Variants in ATP2C1 observed in about 807,000 individuals in gnomAD.
ATP2C1 encodes the protein calcium-transporting ATPase type 2C member 1.
In ATP2C1, 31 loss-of-function variants were observed where a neutral mutation model predicts 120.5. That is an observed-to-expected ratio of 0.26 (90% CI 0.19 to 0.35). The LOEUF (loss-of-function observed/expected upper bound fraction) is 0.35. ATP2C1 is among the 10% of genes least tolerant of loss of function. ATP2C1 has a pLI of 1.00. For synonymous variants in ATP2C1, 351 were observed against 358.7 expected, an observed-to-expected ratio of 0.98 and a Z score of 0.24; for missense variants, 731 against 1,107.5, an observed-to-expected ratio of 0.66 and a Z score of 4.83.
At chr3:130,973,772 AT>A (rs1293151447) in intron 17 of ATP2C1, among the ~76,000 whole-genome samples, 1 of 152,142 alleles carries the variant, frequency 6.6e-6, no homozygotes, top group Non-Finnish European at 1.5e-5. Flanking sequence ...ATACTTTTCA[AT>A]GAAAACATTG....
At chr3:130,860,165 C>G (rs2067969933) in intron 1 of ATP2C1, among the ~76,000 whole-genome samples, 1 of 152,158 alleles carries the variant, frequency 6.6e-6, no homozygotes, top group Admixed American at 6.5e-5. Flanking sequence ...GACAGTGTAG[C>G]TTTTTTAAAG....
chr3:130,974,316 A>G (rs929884201), intron 17 of ATP2C1, among the ~76,000 whole-genome samples: 2 of 152,224 alleles, frequency 1.3e-5, no homozygotes, highest in African/African-American at 2.4e-5. Context: ...CTGTCCCCAA[A>G]TATCTGCTCA....
At position 130,990,788 on chromosome 3, in the gene ATP2C1, C is replaced by T. The variant is rs568455051; in HGVS notation, c.1840-2163C>T. On this transcript the variant is annotated intron_variant, in intron 20 of 27. Transcript: ENST00000510168. ...TTCTGGATATATTTGTGAGTGGAGT[C>T]AACAAGATTCGCTGTCAAACTGCTT... Among the ~76,000 whole-genome samples the T allele has an allele frequency of 2.0e-5, 3 of 152,212 alleles. No individual in the cohort carries two copies. In the East Asian group the frequency reaches 5.8e-4, roughly 29 times the overall value.
chr3:130,920,473 G>A (rs547706305), intron 2 of ATP2C1, among the ~76,000 whole-genome samples: 1 of 152,244 alleles, frequency 6.6e-6, no homozygotes, highest in East Asian at 1.9e-4. Context: ...TTGAAGATCA[G>A]TTGACCATAT....
intron 1 of ATP2C1, among the ~76,000 whole-genome samples, chr3:130,888,247 G>T (rs928591712): frequency 6.6e-6 from 1 of 152,148 alleles, no homozygotes; most frequent in African/African-American, 2.4e-5. Context: ...ATACGCAGAG[G>T]AGTCACTTTT....
chr3:131,013,273 C>T (rs1226214885), intron 26 of ATP2C1, among the ~76,000 whole-genome samples: 1 of 152,176 alleles, frequency 6.6e-6, no homozygotes, highest in Non-Finnish European at 1.5e-5. Context: ...ATATTTTACA[C>T]AATCACCTAA....
At chr3:130,986,674 T>G (rs218484) in intron 20 of ATP2C1, among the ~76,000 whole-genome samples, 1 of 152,228 alleles carries the variant, frequency 6.6e-6, no homozygotes, top group Non-Finnish European at 1.5e-5. Flanking sequence ...CTATAAATAC[T>G]AGCCCTGCCT....
Position 130,932,015 on chromosome 3 carries a change from C to G in ATP2C1, c.118-7C>G, listed in dbSNP as rs761588093. 1.3e-6 allele frequency: 2 copies of G among 1,568,142 alleles called. No homozygotes were observed. Among genetic ancestry groups the G allele is most frequent in the East Asian group, 2.2e-5 (1 of 44,606 alleles). ...TTTCAATAACTTTCATGTATAAACTCTAATAGGCTGATCTTCAGAATGGTC... is the reference window on the plus strand; with the variant it reads ...TTTCAATAACTTTCATGTATAAACTGTAATAGGCTGATCTTCAGAATGGTC... On this transcript the variant is annotated splice_region_variant and splice_polypyrimidine_tract_variant and intron_variant, in intron 3 of 27. Transcript: ENST00000510168.
At chr3:130,894,078 G>C (rs886554611), upstream of ATP2C1, 1 of 982,028 alleles carries the variant, frequency 1.0e-6, no homozygotes, top group African/African-American at 1.7e-5. This position sits in a 1 kb window ranked among gnomAD's most constrained non-coding sequence, Gnocchi z 4.5. Context: ...AGTCGGAGGC[G>C]GGAGCAGACC....
At chr3:130,850,980 T>G in intron 1 of ATP2C1, 1 of 1,005,846 alleles carries the variant, frequency 9.9e-7, no homozygotes, top group Non-Finnish European at 1.3e-6. Flanking sequence ...TGTTCCTTGT[T>G]GCTTTTACGT....
chr3:130,894,126 G>GGGTCCCCTCA lies in ATP2C1; in HGVS notation c.-391_-382dup. On this transcript the variant is annotated 5_prime_UTR_variant, in exon 1 of 28. Coordinates refer to ENST00000510168, the MANE Select transcript of ATP2C1 (RefSeq NM_001378687.1). The surrounding 1 kb of genome is among the most constrained non-coding windows in gnomAD (Gnocchi z 4.5). ...CGGAGCCGGCCCGGCGGACCGTGAC[G>GGGTCCCCTCA]GGTCCCCTCACCTCCTCTTCTCTCC... 2.1e-6 allele frequency: 2 copies of GGGTCCCCTCA among 965,860 alleles called. No individual in the cohort carries two copies. The highest frequency in any genetic ancestry group is 2.5e-6 in the Non-Finnish European group (2 of 812,214). 59.8% of individuals were successfully genotyped at this position (965,860 alleles called of 1,614,324 possible). A position where few individuals can be genotyped will look rare whatever the true frequency, so the allele number is the denominator to read the frequency against.
intron 27 of ATP2C1, 99 bp downstream of exon 27, chr3:130,999,758 A>T: frequency 8.7e-7 from 1 of 1,151,292 alleles, no homozygotes; most frequent in Non-Finnish European, 1.2e-6. Context: ...ATAGCAAAAT[A>T]AGTAACTCAC....
chr3:131,001,177 A>C, intron 27 of ATP2C1, 43 bp from the exon 28 acceptor site: 1 of 1,531,850 alleles, frequency 6.5e-7, no homozygotes, highest in Non-Finnish European at 9.0e-7. Flanking sequence ...TTGCAACTGT[A>C]AGTTTCAAAG....
At chr3:130,988,715 A>G (rs918943686) in intron 20 of ATP2C1, among the ~76,000 whole-genome samples, 1 of 152,166 alleles carries the variant, frequency 6.6e-6, no homozygotes, top group Non-Finnish European at 1.5e-5. Flanking sequence ...TAGGGTAATC[A>G]AGGGTTAAGG....
intron 4 of ATP2C1, among the ~76,000 whole-genome samples, chr3:130,933,068 C>A (rs2059518197): frequency 6.6e-6 from 1 of 152,172 alleles, no homozygotes. Context: ...ACATAGTTTA[C>A]TCTGGATTTA....
Position 130,915,090 on chromosome 3 carries a change from G to GT in ATP2C1, c.7-15314dup, listed in dbSNP as rs140900627. Among the ~76,000 whole-genome samples, 628 of 145,104 alleles carry GT rather than the reference G, an allele frequency of 4.3e-3. 2 individuals are homozygous for GT. The highest frequency in any genetic ancestry group is 9.1e-3 in the Admixed American group (133 of 14,594). ...ACTTACTGGGATTAATTCATTCTGG[G>GT]TTTTTTTTTTTTCCCCCCCTTGAGA... is the stretch of plus-strand genomic sequence containing the variant. On this transcript the variant is annotated intron_variant, in intron 2 of 27. Transcript: ENST00000510168.
At chr3:130,973,952 T>A (rs1428278296) in intron 17 of ATP2C1, among the ~76,000 whole-genome samples, 3 of 152,090 alleles carry the variant, frequency 2.0e-5, no homozygotes, top group Admixed American at 2.0e-4. Context: ...CTTAAAAGAC[T>A]TAAAATTCAG....
chr3:130,965,340 T>G (rs983018017), intron 14 of ATP2C1, among the ~76,000 whole-genome samples: 1 of 152,126 alleles, frequency 6.6e-6, no homozygotes, highest in Admixed American at 6.6e-5. Flanking sequence ...ATCTACTTTA[T>G]AGCCAGCTTC....
intron 2 of ATP2C1, among the ~76,000 whole-genome samples, chr3:130,915,748 A>G (rs568634494): frequency 1.3e-5 from 2 of 152,324 alleles, no homozygotes; most frequent in African/African-American, 4.8e-5. Flanking sequence ...TGGAGTGTGC[A>G]GGCTGGACCT....
Sources: allele counts gnomAD v4.1 joint callset (sites outside exome capture counted in the v4.1 genomes callset), GRCh38; gene constraint gnomAD v4.1.1; non-coding constraint Gnocchi (gnomAD v3.1); transcripts MANE v1.5; gene names NCBI Gene and HGNC (gene_info 2026-07-23, HGNC 2026-07-21).